Variants in LGR6 observed in about 807,000 individuals in gnomAD.
LGR6 encodes leucine-rich repeat-containing G protein-coupled receptor 6.
Under a neutral mutation model 69.4 loss-of-function variants are expected in LGR6, and 45 were observed. The observed-to-expected ratio is 0.65, with a 90% confidence interval of 0.51 to 0.83. The LOEUF is 0.83. Ranked by LOEUF, LGR6 falls within the 40% of genes least tolerant of loss-of-function variation. The pLI, the probability that LGR6 is intolerant of heterozygous loss-of-function variation, is 0.00. For synonymous variants in LGR6, 538 were observed against 555.0 expected, an observed-to-expected ratio of 0.97 and a Z score of 0.43; for missense variants, 1,108 against 1,246.7, an observed-to-expected ratio of 0.89 and a Z score of 1.68.
chr1:202,208,927 A>T (rs1018096700), intron 1 of LGR6, among the ~76,000 whole-genome samples: 1 of 152,086 alleles, frequency 6.6e-6, no homozygotes, highest in African/African-American at 2.4e-5. Flanking sequence ...GAGTGTAGTA[A>T]GAGGGGAAGG....
At chr1:202,280,907 G>A (rs1180467897) in intron 6 of LGR6, 55 bp downstream of exon 6, 1 of 1,504,830 alleles carries the variant, frequency 6.6e-7, no homozygotes, top group Non-Finnish European at 9.2e-7. Flanking sequence ...AAAGCCTGGA[G>A]TCTTGGAGTG....
chr1:202,285,981 A>G (rs1262255504), intron 6 of LGR6, among the ~76,000 whole-genome samples: 2 of 151,998 alleles, frequency 1.3e-5, no homozygotes, highest in Non-Finnish European at 2.9e-5. Flanking sequence ...CATCACTCCA[A>G]TCTCTTACTC....
chr1:202,284,073 G>C (rs1408506604), intron 6 of LGR6, among the ~76,000 whole-genome samples: 1 of 152,086 alleles, frequency 6.6e-6, no homozygotes, highest in Non-Finnish European at 1.5e-5. Context: ...AGGGTTCAGG[G>C]GATGGGCACT....
At position 202,318,579 on chromosome 1, in the gene LGR6, C is replaced by T. The variant is rs199572358; in HGVS notation, c.2276C>T (p.Pro759Leu). 4.3e-5 allele frequency: 70 copies of T among 1,613,902 alleles called. No individual in the cohort carries two copies. Among genetic ancestry groups the T allele is most frequent in the Middle Eastern group, 3.3e-4 (2 of 6,084 alleles). The stretch of plus-strand genomic sequence containing the variant: ...TACATCAAACTGTACTGTGACCTGC[C>T]GCGGGGCGACTTTGAGGCCGTGTGG... ...GAYIKLYCDL[P>L]RGDFEAVWDC... The change falls in exon 18 of 18, where the codon CCG (proline) becomes CTG (leucine). Residue 759 changes from proline (P) to leucine (L), a missense_variant. Transcript: ENST00000367278.
intron 7 of LGR6, among the ~76,000 whole-genome samples, chr1:202,299,825 AAGAG>A (rs1337851392): frequency 6.6e-6 from 1 of 152,160 alleles, no homozygotes; most frequent in African/African-American, 2.4e-5. Flanking sequence ...TCCAAAGAAA[AAGAG>A]AGGGAAGGAA....
chr1:202,305,614 C>T (rs574700348), intron 11 of LGR6, 70 bp from the exon 12 acceptor site: 1 of 1,330,364 alleles, frequency 7.5e-7, no homozygotes, highest in Non-Finnish European at 1.1e-6. Flanking sequence ...CTGGCTAGAG[C>T]CCCCCGTCCC....
intron 1 of LGR6, among the ~76,000 whole-genome samples, chr1:202,201,511 A>G (rs1437284858): frequency 1.3e-5 from 2 of 152,212 alleles, no homozygotes; most frequent in African/African-American, 4.8e-5. Context: ...TTCAGTGCTA[A>G]GGAGCTTGCC....
At chr1:202,287,579 A>AAATAACTG (rs1666482928) in intron 6 of LGR6, among the ~76,000 whole-genome samples, 1 of 152,216 alleles carries the variant, frequency 6.6e-6, no homozygotes, top group Non-Finnish European at 1.5e-5. Flanking sequence ...ACAAATATCC[A>AAATAACTG]GACTTCCAGA....
chr1:202,213,584 A>G (rs1272837993), intron 1 of LGR6, among the ~76,000 whole-genome samples: 1 of 152,042 alleles, frequency 6.6e-6, no homozygotes, highest in African/African-American at 2.4e-5. Flanking sequence ...TCCCCAGCCT[A>G]TCTTTCCTAA....
rs1291283436 is a variant in LGR6 at position 202,193,942 on chromosome 1, G to A, written c.-48G>A. 2 of 1,199,948 alleles carry A rather than the reference G, an allele frequency of 1.7e-6. No homozygotes were observed. Among genetic ancestry groups the A allele is most frequent in the East Asian group, 3.6e-5 (1 of 27,686 alleles). The allele number at this position is 1,199,948 out of a possible 1,614,324, so 74.3% of individuals were successfully genotyped here. On this transcript the variant is annotated 5_prime_UTR_variant, in exon 1 of 18. It adds an upstream start codon to the 5' untranslated region. Transcript: ENST00000367278. ...AGGAAGCAGCTGCGGCCATCGCGCC[G>A]TGCGTCCGCGCCCGGCCGCCAGGTG...
At chr1:202,225,574 G>C (rs908263382) in intron 2 of LGR6, 80 bp downstream of exon 2, 18 of 1,312,532 alleles carry the variant, frequency 1.4e-5, no homozygotes, top group Non-Finnish European at 2.0e-5. Context: ...CCAGGAGGTG[G>C]GGTGGAGAGA....
intron 1 of LGR6, among the ~76,000 whole-genome samples, chr1:202,202,523 C>T (rs1658873297): frequency 6.6e-6 from 1 of 152,246 alleles, no homozygotes; most frequent in South Asian, 2.1e-4. Context: ...TAAGTTCCAG[C>T]TCTAACCAGC....
At chr1:202,267,396 G>A (rs886814843) in intron 4 of LGR6, among the ~76,000 whole-genome samples, 1 of 152,166 alleles carries the variant, frequency 6.6e-6, no homozygotes, top group East Asian at 1.9e-4. Context: ...TTTGGCTACA[G>A]CCCCAGTTTT....
intron 3 of LGR6, among the ~76,000 whole-genome samples, chr1:202,228,453 AG>A (rs1239044633): frequency 4.6e-5 from 7 of 152,086 alleles, no homozygotes; most frequent in African/African-American, 1.7e-4. Context: ...TGCAGTACTG[AG>A]TTTCCATTCT....
chr1:202,280,915 G>C (rs1456242753), intron 6 of LGR6, 63 bp downstream of exon 6: 1 of 1,471,860 alleles, frequency 6.8e-7, no homozygotes, highest in African/African-American at 1.4e-5. Flanking sequence ...GAGTCTTGGA[G>C]TGGAGGGAGC....
chr1:202,242,136 A>G (rs1245587955), intron 4 of LGR6, among the ~76,000 whole-genome samples: 1 of 152,166 alleles, frequency 6.6e-6, no homozygotes, highest in Non-Finnish European at 1.5e-5. Context: ...TCAATATGCT[A>G]AGCACATTCA....
chr1:202,207,735 T>C lies in LGR6; in HGVS notation c.212+13534T>C, dbSNP rs560142233. On this transcript the variant is annotated intron_variant, in intron 1 of 17. Transcript: ENST00000367278. ...CTCTTTGTGCTTTAGTTTCCTCACC[T>C]GTAATAGAGGGATGACAACGATGCC... is the stretch of plus-strand genomic sequence containing the variant. Among the ~76,000 whole-genome samples the C allele has an allele frequency of 1.1e-4, 16 of 152,344 alleles. No individual in the cohort carries two copies. In the South Asian group the frequency reaches 1.2e-3, roughly 12 times the overall value.
chr1:202,266,278 G>GA (rs1223129230), intron 4 of LGR6, among the ~76,000 whole-genome samples: 1 of 152,140 alleles, frequency 6.6e-6, no homozygotes, highest in Non-Finnish European at 1.5e-5. Context: ...GGGACACAGG[G>GA]ACATAGCACA....
intron 4 of LGR6, among the ~76,000 whole-genome samples, chr1:202,247,087 G>A (rs982950880): frequency 6.6e-6 from 1 of 152,196 alleles, no homozygotes; most frequent in African/African-American, 2.4e-5. Flanking sequence ...CAGATCCCCA[G>A]GCCCCTTCTC....
Sources: allele counts gnomAD v4.1 joint callset (sites outside exome capture counted in the v4.1 genomes callset), GRCh38; gene constraint gnomAD v4.1.1; transcripts MANE v1.5; gene names NCBI Gene and HGNC (gene_info 2026-07-23, HGNC 2026-07-21).